PDE4D: variants seen among roughly 807,000 people sequenced by gnomAD.
PDE4D encodes phosphodiesterase 4D, also known as 3',5'-cyclic-AMP phosphodiesterase 4D.
PDE4D carries 24 observed loss-of-function variants against 87.4 expected under a neutral mutation model. The ratio of observed to expected loss-of-function variants is 0.27; its 90% confidence interval spans 0.20 to 0.39. The LOEUF (loss-of-function observed/expected upper bound fraction) is 0.39. PDE4D is among the 10% of genes least tolerant of loss of function. PDE4D has a pLI of 1.00. For synonymous variants in PDE4D, 384 were observed against 383.2 expected (o/e 1.00, Z -0.02); for missense variants, 714 against 1,041.0 (o/e 0.69, Z 4.32).
chr5:59,978,760 C>T (rs575798502), intron 3 of PDE4D, among the ~76,000 whole-genome samples: 2 of 152,204 alleles, frequency 1.3e-5, no homozygotes, highest in African/African-American at 4.8e-5. Context: ...ATGGATGTGG[C>T]AATTTTCACT....
At chr5:59,775,504 C>CA (rs57109312) in intron 1 of PDE4D, among the ~76,000 whole-genome samples, 27 of 149,236 alleles carry the variant, frequency 1.8e-4, no homozygotes, top group East Asian at 1.2e-3. Context: ...AACTGACATA[C>CA]AAAAAAAAAA....
Position 59,905,709 on chromosome 5 carries a change from T to G in PDE4D, c.272+82779A>C, listed in dbSNP as rs74375155. Among the ~76,000 whole-genome samples the G allele has an allele frequency of 6.8e-3, 1,028 of 152,256 alleles. 17 individuals are homozygous for G. The highest frequency in any genetic ancestry group is 0.023 in the African/African-American group (964 of 41,544). On this transcript the variant is annotated intron_variant, in intron 3 of 16. Transcript: ENST00000502484. ...CTCAGCACAATATCTGTTACATAAATAATGCATGTATACCTAAGTATACAC... is the reference window on the plus strand; with the variant it reads ...CTCAGCACAATATCTGTTACATAAAGAATGCATGTATACCTAAGTATACAC...
rs3062479 is a variant in PDE4D, at chr5:59,661,074, T to TTATATATATATATATATATA, written c.455+232074_455+232093dup. On this transcript the variant is annotated intron_variant, in intron 1 of 14. Transcript: ENST00000340635. ...CCAGCACTGCATTTTCATGATAATA[T>TTATATATATATATATATATA]TATATATATATATATATATATATTT... 4.2e-3 allele frequency among the ~76,000 whole-genome samples: 590 copies of TTATATATATATATATATATA among 139,890 alleles called. 3 individuals carry two copies. The highest frequency in any genetic ancestry group is 0.014 in the African/African-American group (524 of 36,792). The allele number at this position is 139,890 out of a possible 152,430, so 91.8% of individuals were successfully genotyped here. A position where few individuals can be genotyped will look rare whatever the true frequency, so the allele number is the denominator to read the frequency against.
chr5:59,017,732 C>T (rs553092339), intron 6 of PDE4D, among the ~76,000 whole-genome samples: 115 of 152,152 alleles, frequency 7.6e-4, no homozygotes, highest in Non-Finnish European at 1.3e-3. Context: ...TATCCAAGGC[C>T]GCATAATATA....
chr5:60,064,481 A>C (rs1454389772), intron 2 of PDE4D, among the ~76,000 whole-genome samples: 1 of 152,102 alleles, frequency 6.6e-6, no homozygotes, highest in Non-Finnish European at 1.5e-5. Flanking sequence ...TTAGAAAAAA[A>C]TCCACACAGC....
At chr5:60,066,058 A>G (rs1005385206) in intron 2 of PDE4D, among the ~76,000 whole-genome samples, 3 of 152,190 alleles carry the variant, frequency 2.0e-5, no homozygotes, top group South Asian at 2.1e-4. Context: ...CCAACAGTGT[A>G]AAAGTGTTCC....
intron 1 of PDE4D, among the ~76,000 whole-genome samples, chr5:59,578,596 A>G (rs1355799242): frequency 2.6e-5 from 4 of 152,076 alleles, no homozygotes; most frequent in African/African-American, 9.7e-5. Context: ...TCTCTCTTCA[A>G]TAACCTTTCC....
chr5:59,541,371 A>G (rs1816319566), intron 1 of PDE4D, among the ~76,000 whole-genome samples: 1 of 152,216 alleles, frequency 6.6e-6, no homozygotes, highest in Non-Finnish European at 1.5e-5. Flanking sequence ...TAATCAGAAG[A>G]TATCTTTTTA....
At chr5:59,931,786 C>T (rs1169283214) in intron 3 of PDE4D, among the ~76,000 whole-genome samples, 1 of 149,802 alleles carries the variant, frequency 6.7e-6, no homozygotes, top group Non-Finnish European at 1.5e-5. Flanking sequence ...ACTGCAAGCT[C>T]CGCCTCCCAG....
chr5:59,353,942 A>G (rs1357964191), intron 1 of PDE4D, among the ~76,000 whole-genome samples: 2 of 152,224 alleles, frequency 1.3e-5, no homozygotes, highest in Non-Finnish European at 2.9e-5. Flanking sequence ...CACTCATTAA[A>G]TGTATATGAT....
chr5:59,288,344 C>T (rs1312698673), intron 1 of PDE4D, among the ~76,000 whole-genome samples: 2 of 151,592 alleles, frequency 1.3e-5, no homozygotes, highest in African/African-American at 4.8e-5. Flanking sequence ...CAGCACAAAA[C>T]AATCAAGCAG....
chr5:59,552,427 T>C (rs1818272163), intron 1 of PDE4D, among the ~76,000 whole-genome samples: 1 of 152,200 alleles, frequency 6.6e-6, no homozygotes, highest in Non-Finnish European at 1.5e-5. Context: ...ATATTTTATG[T>C]TTCAAGTTGT....
chr5:59,209,002 C>T (rs959843573), intron 2 of PDE4D, among the ~76,000 whole-genome samples: 4 of 152,008 alleles, frequency 2.6e-5, no homozygotes, highest in Non-Finnish European at 4.4e-5. Flanking sequence ...TAGGTCATTA[C>T]CAAAATAATA....
intron 1 of PDE4D, among the ~76,000 whole-genome samples, chr5:60,407,523 G>A (rs539894157): frequency 1.5e-5 from 2 of 131,622 alleles, no homozygotes; most frequent in South Asian, 2.4e-4. Context: ...GCACGATCTC[G>A]GCTCACTGCA....
intron 1 of PDE4D, among the ~76,000 whole-genome samples, chr5:59,677,944 G>T (rs2150353551): frequency 6.6e-6 from 1 of 152,166 alleles, no homozygotes; most frequent in Middle Eastern, 3.4e-3. Context: ...AATTCTTGGG[G>T]ACCAAAAATC....
chr5:59,717,348 A>C (rs1755180835), intron 1 of PDE4D, among the ~76,000 whole-genome samples: 1 of 152,204 alleles, frequency 6.6e-6, no homozygotes, highest in African/African-American at 2.4e-5. Context: ...GCATAACTTC[A>C]GAGAAAAGCT....
At chr5:60,300,636 C>A (rs955242788) in intron 1 of PDE4D, among the ~76,000 whole-genome samples, 1 of 152,142 alleles carries the variant, frequency 6.6e-6, no homozygotes, top group Admixed American at 6.5e-5. Flanking sequence ...CGTTCTCCCA[C>A]CACCATTTAT....
intron 1 of PDE4D, among the ~76,000 whole-genome samples, chr5:59,840,082 T>C (rs1169788922): frequency 6.6e-6 from 1 of 151,890 alleles, no homozygotes; most frequent in African/African-American, 2.4e-5. Flanking sequence ...CTGGCTCAGG[T>C]CTAGCTCATT....
intron 2 of PDE4D, among the ~76,000 whole-genome samples, chr5:60,143,603 T>TTTTGTGTGTGTGTGTGTG (rs1780730543): frequency 2.2e-4 from 26 of 117,754 alleles, no homozygotes; most frequent in African/African-American, 8.0e-4. Context: ...AGCTTGGGAA[T>TTTTGTGTGTGTGTGTGTG]TGTGTGTGTG....
Sources: gnomAD v4.1 joint callset for allele counts (sites outside exome capture counted in the v4.1 genomes callset) on GRCh38, gnomAD v4.1.1 for gene constraint, MANE v1.5 for transcripts, NCBI Gene and HGNC (gene_info 2026-07-23, HGNC 2026-07-21) for gene names.